ANKRD53: variants seen among roughly 807,000 people sequenced by gnomAD.
The protein encoded by ANKRD53 is ankyrin repeat domain 53.
In ANKRD53, 27 loss-of-function variants were observed where a neutral mutation model predicts 30.1. The observed-to-expected ratio is 0.90, with a 90% confidence interval of 0.66 to 1.24. The LOEUF is 1.24. Ranked by LOEUF, ANKRD53 falls within the 50% of genes most tolerant of loss-of-function variation. The pLI is 0.00. For missense variants in ANKRD53, 682 were observed against 721.0 expected, an observed-to-expected ratio of 0.95 and a Z score of 0.62; for synonymous variants, 286 against 295.4, an observed-to-expected ratio of 0.97 and a Z score of 0.33.
chr2:70,978,925 G>A lies in ANKRD53; in HGVS notation c.170+110G>A. ...GGGGGCGGAGGCTGCGGCCCGAGAA[G>A]CCAGCAGAGACAGGCTGGGGCCAGG... is the stretch of plus-strand genomic sequence containing the variant. On this transcript the variant is annotated intron_variant, in intron 1 of 5. Coordinates refer to ENST00000360589, the MANE Select transcript of ANKRD53 (RefSeq NM_001115116.2). The surrounding 1 kb of genome is among the most constrained non-coding windows in gnomAD (Gnocchi z 4.3). 1 of 1,450,616 alleles carries A rather than the reference G, an allele frequency of 6.9e-7. No individual in the cohort carries two copies. 89.9% of individuals were successfully genotyped at this position (1,450,616 alleles called of 1,614,324 possible). A position where few individuals can be genotyped will look rare whatever the true frequency, so the allele number is the denominator to read the frequency against.
At chr2:70,980,084 G>A (rs1223064316) in intron 3 of ANKRD53, among the ~76,000 whole-genome samples, 1 of 152,202 alleles carries the variant, frequency 6.6e-6, no homozygotes. Context: ...GGAAGGCCGA[G>A]GCAGGCGGAT....
chr2:70,982,656 C>T lies in ANKRD53; in HGVS notation c.862C>T (p.Gln288Ter), dbSNP rs1553423836. 6.2e-7 allele frequency: 1 copy of T among 1,614,150 alleles called. No individual in the cohort carries two copies. Among genetic ancestry groups the T allele is most frequent in the Non-Finnish European group, 8.5e-7 (1 of 1,180,024 alleles). ...GACGAAAATGAAGATGTTCAAGAGC[C>T]AGCTGACCCTCATGGAGCACAACTA... ...EMTKMKMFKSQLTLMEHNYLI... is the reference protein window; with the variant it reads ...EMTKMKMFKS Residue 288 changes from glutamine to a stop codon, truncating the protein, a stop_gained, in exon 5 of 6, where the codon CAG (glutamine) becomes TAG (stop). Coordinates refer to ENST00000360589, the MANE Select transcript of ANKRD53 (RefSeq NM_001115116.2). LOFTEE classifies it low-confidence loss of function (END_TRUNC). The surrounding 1 kb of genome is among the most constrained non-coding windows in gnomAD (Gnocchi z 4.2).
chr2:70,985,256 C>T lies in ANKRD53; in HGVS notation c.1549C>T (p.His517Tyr). The T allele has an allele frequency of 6.4e-7, 1 of 1,550,924 alleles. No individual in the cohort carries two copies. Among genetic ancestry groups the T allele is most frequent in the Non-Finnish European group, 8.7e-7 (1 of 1,147,016 alleles). ...AGCCTTCCTGGCAGCTGTGCGATCT[C>T]ATCAAGGACTCCCCACCCTGCCCTC... The part of the protein sequence containing the change: ...DEAFLAAVRS[H>Y]QGLPTLPSPQ... The change falls in exon 6 of 6, where the codon CAT becomes TAT. Residue 517 changes from histidine to tyrosine, a missense_variant. Transcript: ENST00000360589.
upstream of ANKRD53, chr2:70,978,508 T>C: frequency 9.4e-7 from 1 of 1,068,642 alleles, no homozygotes; most frequent in Non-Finnish European, 1.3e-6. The surrounding 1 kb of genome is among the most constrained non-coding windows in gnomAD (Gnocchi z 4.3). Context: ...CCCCTCCAGC[T>C]AGAGAGGCAG....
chr2:70,982,351 C>A lies in ANKRD53; in HGVS notation c.783-226C>A. On this transcript the variant is annotated intron_variant, in intron 4 of 5. Coordinates refer to ENST00000360589, the MANE Select transcript of ANKRD53 (RefSeq NM_001115116.2). This position sits in a 1 kb window ranked among gnomAD's most constrained non-coding sequence, Gnocchi z 4.2. ...TCCTTTCCTGCCCTGGGGCCCCTGG[C>A]TCCTCAGCAGGAGGGTGGTGACCAG... The A allele has an allele frequency of 2.6e-6, 2 of 755,956 alleles. No individual in the cohort carries two copies. The highest frequency in any genetic ancestry group is 4.1e-6 in the Non-Finnish European group (2 of 485,856). 46.8% of individuals were successfully genotyped at this position (755,956 alleles called of 1,614,324 possible).
chr2:70,985,165 G>A lies in ANKRD53; in HGVS notation c.1458G>A (p.Arg486=). 6.4e-7 allele frequency: 1 copy of A among 1,551,202 alleles called. No homozygotes were observed. The change falls in exon 6 of 6, where the codon CGG becomes CGA. Residue 486 remains arginine (R), a synonymous_variant. Transcript: ENST00000360589. ...GCATGAGGGAAGTGCCCAGGAAGCG[G>A]CACCTGGGTGACAACACCTTCTGGA... ...PISMREVPRK[R]HLGDNTFWTD...
chr2:70,982,580 C>A lies in ANKRD53; in HGVS notation c.786C>A (p.Phe262Leu). 1.9e-6 allele frequency: 3 copies of A among 1,614,096 alleles called. No individual in the cohort carries two copies. The highest frequency in any genetic ancestry group is 2.5e-6 in the Non-Finnish European group (3 of 1,179,964). Residue 262 changes from phenylalanine (F) to leucine (L), a missense_variant, in exon 5 of 6, where the codon TTC (phenylalanine) becomes TTA (leucine). Physicochemically the swap from Phe to Leu is conservative, Grantham distance 22 (BLOSUM62 0). Transcript: ENST00000360589. The surrounding 1 kb of genome is among the most constrained non-coding windows in gnomAD (Gnocchi z 4.2). ...CCCGCCCTGACCTTGGCACCAGGTT[C>A]TTGAAGGATGCCATGTGGAAAAAGG... ...KIWNHRACAR[F>L]LKDAMWKKDK...
intron 5 of ANKRD53, chr2:70,984,118 T>A (rs1670096912): frequency 6.2e-7 from 1 of 1,611,962 alleles, no homozygotes; most frequent in Admixed American, 1.7e-5. Context: ...GCTTTCTCTT[T>A]CCAGGGTCAA....
rs1572935419 is a variant in ANKRD53 at position 70,982,357 on chromosome 2, A to G, written c.783-220A>G. 2.6e-6 allele frequency: 2 copies of G among 759,040 alleles called. No individual in the cohort carries two copies. The highest frequency in any genetic ancestry group is 5.5e-5 in the East Asian group (2 of 36,202). The allele number at this position is 759,040 out of a possible 1,614,324, so 47.0% of individuals were successfully genotyped here. A position where few individuals can be genotyped will look rare whatever the true frequency, so the allele number is the denominator to read the frequency against. ...CCTGCCCTGGGGCCCCTGGCTCCTC[A>G]GCAGGAGGGTGGTGACCAGGTCATC... On this transcript the variant is annotated intron_variant, in intron 4 of 5. Coordinates refer to ENST00000360589, the MANE Select transcript of ANKRD53 (RefSeq NM_001115116.2). This position sits in a 1 kb window ranked among gnomAD's most constrained non-coding sequence, Gnocchi z 4.2.
At position 70,984,885 on chromosome 2, in the gene ANKRD53, C is replaced by T; in HGVS notation, c.1178C>T (p.Ala393Val). Reference sequence around the variant, plus strand: ...ATGTGGAATGTTAGCAACAACCCCGCCAGACCCCCCACCACCCAGATCAGC... The same window carrying T: ...ATGTGGAATGTTAGCAACAACCCCGTCAGACCCCCCACCACCCAGATCAGC... Reference protein sequence around the residue: ...PTMWNVSNNPARPPTTQISHS... With the variant: ...PTMWNVSNNPVRPPTTQISHS... The change falls in exon 6 of 6, where the codon GCC becomes GTC. Residue 393 changes from alanine (A) to valine (V), a missense_variant. Physicochemically the swap from Ala to Val is moderately conservative, Grantham distance 64. Coordinates refer to ENST00000360589, the MANE Select transcript of ANKRD53 (RefSeq NM_001115116.2). 1 of 1,550,954 alleles carries T rather than the reference C, an allele frequency of 6.4e-7. No individual in the cohort carries two copies. Among genetic ancestry groups the T allele is most frequent in the Non-Finnish European group, 8.7e-7 (1 of 1,146,910 alleles).
intron 2 of ANKRD53, 137 bp from the exon 3 acceptor site, chr2:70,979,524 T>G (rs1572932375): frequency 1.4e-6 from 2 of 1,385,816 alleles, no homozygotes; most frequent in South Asian, 1.4e-5. Context: ...CACACACTGG[T>G]TAATTAGCAA....
At chr2:70,979,054 G>A (rs1381548097) in intron 1 of ANKRD53, 43 bp from the exon 2 acceptor site, 4 of 1,511,358 alleles carry the variant, frequency 2.6e-6, no homozygotes, top group Non-Finnish European at 3.5e-6. Flanking sequence ...AGAGGTGCCC[G>A]GGCCGTGGCC....
chr2:70,981,266 C>T (rs1553423584), intron 3 of ANKRD53, among the ~76,000 whole-genome samples: 4 of 152,100 alleles, frequency 2.6e-5, no homozygotes, highest in Non-Finnish European at 5.9e-5. Flanking sequence ...ACGAAGCTGA[C>T]ATTCTAGTAA....
intron 5 of ANKRD53, chr2:70,984,160 C>T (rs782376068): frequency 6.8e-6 from 11 of 1,614,034 alleles, no homozygotes; most frequent in African/African-American, 5.3e-5. Flanking sequence ...TTTGCCTTTT[C>T]CCCCATCACA....
chr2:70,978,500 C>G (rs1470548177), upstream of ANKRD53: 4 of 975,150 alleles, frequency 4.1e-6, no homozygotes, highest in African/African-American at 7.0e-5. The surrounding 1 kb of genome is among the most constrained non-coding windows in gnomAD (Gnocchi z 4.3). Flanking sequence ...GGGCTCTGCC[C>G]CTCCAGCTAG....
chr2:70,979,626 A>T lies in ANKRD53; in HGVS notation c.418-35A>T, dbSNP rs782463989. On this transcript the variant is annotated intron_variant, in intron 2 of 5. Coordinates refer to ENST00000360589, the MANE Select transcript of ANKRD53 (RefSeq NM_001115116.2). ...TTGTGGACCCTGGGACCTCAGTCCC[A>T]CTCAGCCTCCTCCTGCCTGCTCTGA... The T allele has an allele frequency of 8.1e-6, 13 of 1,597,342 alleles. No individual in the cohort carries two copies. The South Asian group carries it at 1.5e-4, about 18-fold the overall frequency.
In ANKRD53 at chr2:70,978,817, T is replaced by G; in HGVS notation, c.170+2T>G. 1.3e-6 allele frequency: 2 copies of G among 1,558,450 alleles called. No individual in the cohort carries two copies. Among genetic ancestry groups the G allele is most frequent in the Non-Finnish European group, 1.7e-6 (2 of 1,153,000 alleles). On this transcript the variant is annotated splice_donor_variant, in intron 1 of 5. Transcript: ENST00000360589. LOFTEE classifies it high-confidence loss of function. This position sits in a 1 kb window ranked among gnomAD's most constrained non-coding sequence, Gnocchi z 4.3. ...TGACGCGGAGTCCAAGCAGCCCAGG[T>G]GGGTAGCGGGAGAAGGTGTCCCGGC...
Position 70,982,540 on chromosome 2 carries a change from C to T in ANKRD53, c.783-37C>T. On this transcript the variant is annotated intron_variant, in intron 4 of 5. Transcript: ENST00000360589. The surrounding 1 kb of genome is among the most constrained non-coding windows in gnomAD (Gnocchi z 4.2). ...CCCAGCCCAGGTGGAAGCTCTGTCA[C>T]TGTGGGATGACACCCCCGCCCTGAC... is the stretch of plus-strand genomic sequence containing the variant. The T allele has an allele frequency of 1.2e-6, 2 of 1,611,050 alleles. No individual in the cohort carries two copies. Among genetic ancestry groups the T allele is most frequent in the Non-Finnish European group, 1.7e-6 (2 of 1,178,068 alleles).
chr2:70,983,475 G>C lies in ANKRD53; in HGVS notation c.903+778G>C, dbSNP rs151188336. ...ATTTTAAGCAGGTGTAATTACATAG[G>C]GTGCAAAACCCAGAAAACTCAGAAG... is the stretch of plus-strand genomic sequence containing the variant. On this transcript the variant is annotated intron_variant, in intron 5 of 5. Transcript: ENST00000360589. 2.6e-5 allele frequency among the ~76,000 whole-genome samples: 4 copies of C among 152,308 alleles called. No homozygotes were observed. The East Asian group carries it at 7.7e-4, about 29-fold the overall frequency.
Sources: gnomAD v4.1 joint callset for allele counts (sites outside exome capture counted in the v4.1 genomes callset) on GRCh38, gnomAD v4.1.1 for gene constraint, Gnocchi (gnomAD v3.1) non-coding constraint, MANE v1.5 for transcripts, NCBI Gene and HGNC (gene_info 2026-07-23, HGNC 2026-07-21) for gene names.